The following SOX5 variants were observed in gnomAD, a reference collection of about 807,000 sequenced individuals.
SOX5 encodes SRY-box transcription factor 5, also known as transcription factor SOX-5.
A neutral mutation model predicts 92.0 loss-of-function variants in SOX5; 9 were observed. That is an observed-to-expected ratio of 0.10 (90% CI 0.06 to 0.17). The LOEUF is 0.17. SOX5 is among the 10% of genes least tolerant of loss of function. The pLI, the probability that SOX5 is intolerant of heterozygous loss-of-function variation, is 1.00. For synonymous variants in SOX5, 344 were observed against 336.3 expected (o/e 1.02, Z -0.25); for missense variants, 642 against 944.5 (o/e 0.68, Z 4.20).
At chr12:24,449,267 T>A (rs1322191178) in intron 1 of SOX5, among the ~76,000 whole-genome samples, 1 of 152,222 alleles carries the variant, frequency 6.6e-6, no homozygotes, top group African/African-American at 2.4e-5. Flanking sequence ...GTTCTCGCTC[T>A]TATCAACTCT....
chr12:23,963,920 T>G (rs1947257311), intron 4 of SOX5, among the ~76,000 whole-genome samples: 1 of 152,008 alleles, frequency 6.6e-6, no homozygotes, highest in Non-Finnish European at 1.5e-5. Flanking sequence ...AATAAAACAT[T>G]AAAACAGTAG....
intron 11 of SOX5, among the ~76,000 whole-genome samples, chr12:23,560,292 A>C (rs1945980695): frequency 6.6e-6 from 1 of 152,206 alleles, no homozygotes; most frequent in African/African-American, 2.4e-5. Flanking sequence ...ATGTAAGAGG[A>C]ATTTATCATA....
chr12:23,960,988 GT>G (rs1197318683), intron 4 of SOX5, among the ~76,000 whole-genome samples: 9 of 152,010 alleles, frequency 5.9e-5, no homozygotes, highest in African/African-American at 1.9e-4. Context: ...AATCTACTAT[GT>G]TTTTTAAAAG....
chr12:23,665,665 T>C (rs2083676560), intron 6 of SOX5, 101 bp from the exon 7 acceptor site: 16 of 1,353,556 alleles, frequency 1.2e-5, no homozygotes, highest in Non-Finnish European at 1.4e-5. Flanking sequence ...ATTTATTCAA[T>C]TCAAAAGACT....
At chr12:23,756,711 C>G (rs1158930406) in intron 3 of SOX5, among the ~76,000 whole-genome samples, 1 of 151,896 alleles carries the variant, frequency 6.6e-6, no homozygotes, top group Non-Finnish European at 1.5e-5. Flanking sequence ...AGATCAAGGA[C>G]ATACACTGCC....
intron 4 of SOX5, among the ~76,000 whole-genome samples, chr12:24,019,079 C>A (rs1379309236): frequency 3.3e-5 from 5 of 152,064 alleles, no homozygotes; most frequent in African/African-American, 1.2e-4. Context: ...GCACAAGCAA[C>A]CCTTCCCCTC....
chr12:23,845,924 A>G, intron 3 of SOX5, 59 bp downstream of exon 3: 2 of 1,340,062 alleles, frequency 1.5e-6, no homozygotes, highest in Non-Finnish European at 2.1e-6. Context: ...CAAGAAATTA[A>G]AATCAAAGTA....
At chr12:23,866,452 CCT>C (rs1221889280) in intron 2 of SOX5, among the ~76,000 whole-genome samples, 1 of 152,140 alleles carries the variant, frequency 6.6e-6, no homozygotes, top group Non-Finnish European at 1.5e-5. Context: ...TAGGAGTAAG[CCT>C]CTGTCACTAG....
At chr12:24,543,024 A>G (rs1952287470) in intron 1 of SOX5, among the ~76,000 whole-genome samples, 1 of 152,260 alleles carries the variant, frequency 6.6e-6, no homozygotes, top group Non-Finnish European at 1.5e-5. Context: ...ATGAACAATG[A>G]AACATTGATA....
intron 6 of SOX5, among the ~76,000 whole-genome samples, chr12:23,693,438 A>G (rs2089253344): frequency 6.6e-6 from 1 of 152,042 alleles, no homozygotes; most frequent in Non-Finnish European, 1.5e-5. Flanking sequence ...TTTTATTTTT[A>G]ATTAAATTTG....
At chr12:24,477,278 CAT>C (rs1343077425) in intron 1 of SOX5, among the ~76,000 whole-genome samples, 1 of 151,946 alleles carries the variant, frequency 6.6e-6, no homozygotes, top group African/African-American at 2.4e-5. Context: ...GGATTACAGA[CAT>C]GTGCCACCAC....
rs191559398 is a variant in SOX5 at position 23,809,471 on chromosome 12, T to A, written c.481+36512A>T. On this transcript the variant is annotated intron_variant, in intron 3 of 14. Transcript: ENST00000451604. ...TTCAACACCAGTATTACATAAATTT[T>A]AAAAAAAATTATAAAGTAGCCCCAA... Among the ~76,000 whole-genome samples the A allele has an allele frequency of 6.3e-3, 964 of 151,872 alleles. 8 individuals carry two copies. Among genetic ancestry groups the A allele is most frequent in the African/African-American group, 0.014 (588 of 41,504 alleles).
rs146462302 is a variant in SOX5, at chr12:23,801,241, T to C, written c.481+44742A>G. ...GGAGACCTGTTTTAATTATGAAACA[T>C]TGGTCTATAAGAAGACAGGGTGAAG... On this transcript the variant is annotated intron_variant, in intron 3 of 14. Transcript: ENST00000451604. Among the ~76,000 whole-genome samples the C allele has an allele frequency of 2.5e-3, 379 of 152,164 alleles. 2 individuals are homozygous for C. The highest frequency in any genetic ancestry group is 4.3e-3 in the Non-Finnish European group (294 of 68,000).
intron 3 of SOX5, among the ~76,000 whole-genome samples, chr12:24,265,875 T>C (rs529275980): frequency 1.3e-5 from 2 of 152,294 alleles, no homozygotes; most frequent in East Asian, 3.9e-4. Flanking sequence ...TATTGCATCA[T>C]ACACGACCAC....
intron 1 of SOX5, among the ~76,000 whole-genome samples, chr12:23,946,519 TTTC>T (rs1425587953): frequency 2.6e-5 from 4 of 152,050 alleles, no homozygotes; most frequent in African/African-American, 9.7e-5. Flanking sequence ...AGGCAAATAT[TTTC>T]TTTTCATCCT....
chr12:24,016,056 A>C (rs1474077682), intron 4 of SOX5, among the ~76,000 whole-genome samples: 1 of 152,332 alleles, frequency 6.6e-6, no homozygotes, highest in South Asian at 2.1e-4. Context: ...CCAACCAGTC[A>C]GTGATTTCAC....
chr12:23,722,879 A>T (rs1388449013), intron 6 of SOX5, among the ~76,000 whole-genome samples: 1 of 152,174 alleles, frequency 6.6e-6, no homozygotes, highest in Non-Finnish European at 1.5e-5. Context: ...ATCAGTTTGG[A>T]AGCGGAGACA....
chr12:24,426,643 T>G (rs1966804524), intron 1 of SOX5, among the ~76,000 whole-genome samples: 1 of 152,186 alleles, frequency 6.6e-6, no homozygotes, highest in Non-Finnish European at 1.5e-5. Context: ...AAACAAAGTT[T>G]ACAGATACAA....
intron 4 of SOX5, among the ~76,000 whole-genome samples, chr12:24,164,485 T>C (rs1263108109): frequency 6.6e-6 from 1 of 152,070 alleles, no homozygotes. Context: ...ATGTTGTCTA[T>C]TTAACTGTAT....
Sources: allele counts gnomAD v4.1 joint callset (sites outside exome capture counted in the v4.1 genomes callset), GRCh38; gene constraint gnomAD v4.1.1; transcripts MANE v1.5; gene names NCBI Gene and HGNC (gene_info 2026-07-23, HGNC 2026-07-21).